CLSTN2: variants seen among roughly 807,000 people sequenced by gnomAD.
CLSTN2 encodes the protein calsyntenin-2.
Under a neutral mutation model 101.2 loss-of-function variants are expected in CLSTN2, and 48 were observed. That is an observed-to-expected ratio of 0.47 (90% confidence interval 0.38 to 0.60). The LOEUF (loss-of-function observed/expected upper bound fraction) is 0.60. Ranked by LOEUF, CLSTN2 falls within the 20% of genes least tolerant of loss-of-function variation. The probability of loss-of-function intolerance (pLI) is 0.00; values close to 1 mark genes in which losing one functional copy is unlikely to be tolerated. For synonymous variants in CLSTN2, 481 were observed against 463.6 expected (o/e 1.04, Z -0.48); for missense variants, 1,160 against 1,238.2 (o/e 0.94, Z 0.95).
At chr3:140,069,857 C>T (rs1332205091) in intron 1 of CLSTN2, among the ~76,000 whole-genome samples, 1 of 152,134 alleles carries the variant, frequency 6.6e-6, no homozygotes, top group African/African-American at 2.4e-5. Flanking sequence ...ATGGATCAGA[C>T]AATCCATGAT....
chr3:140,450,364 T>C (rs1373905571), intron 6 of CLSTN2, among the ~76,000 whole-genome samples: 1 of 152,094 alleles, frequency 6.6e-6, no homozygotes, highest in Non-Finnish European at 1.5e-5. Flanking sequence ...TCTCAGTGAG[T>C]CTGTGAAATG....
At chr3:140,367,454 A>C (rs2087803953) in intron 2 of CLSTN2, among the ~76,000 whole-genome samples, 1 of 144,124 alleles carries the variant, frequency 6.9e-6, no homozygotes, top group East Asian at 2.2e-4. Context: ...CAGAGGTTGC[A>C]GTGAGCCGAG....
At chr3:140,277,989 C>T (rs1003702553) in intron 2 of CLSTN2, among the ~76,000 whole-genome samples, 5 of 152,280 alleles carry the variant, frequency 3.3e-5, no homozygotes, top group South Asian at 4.2e-4. Flanking sequence ...CTGCCAATTC[C>T]GAGAGATATT....
At chr3:140,369,072 T>C (rs2087823664) in intron 2 of CLSTN2, among the ~76,000 whole-genome samples, 1 of 152,142 alleles carries the variant, frequency 6.6e-6, no homozygotes, top group African/African-American at 2.4e-5. Context: ...GGATGAGACT[T>C]GCCAGCTTTT....
At chr3:140,048,097 T>A (rs2107766939) in intron 1 of CLSTN2, among the ~76,000 whole-genome samples, 2 of 152,334 alleles carry the variant, frequency 1.3e-5, no homozygotes, top group South Asian at 4.1e-4. Context: ...GGAAGGAATA[T>A]GGCTGAAAAT....
At chr3:140,495,816 G>T (rs1385552577) in intron 8 of CLSTN2, among the ~76,000 whole-genome samples, 1 of 152,104 alleles carries the variant, frequency 6.6e-6, no homozygotes, top group Non-Finnish European at 1.5e-5. Flanking sequence ...CTGTTCCATT[G>T]GTCTATGTGT....
intron 2 of CLSTN2, among the ~76,000 whole-genome samples, chr3:140,351,733 T>C (rs984903617): frequency 1.3e-5 from 2 of 152,094 alleles, no homozygotes; most frequent in African/African-American, 4.8e-5. Flanking sequence ...GGAGCAAAGA[T>C]ATATAGCCTT....
chr3:139,955,187 C>A (rs1428958514), intron 1 of CLSTN2, among the ~76,000 whole-genome samples: 1 of 133,386 alleles, frequency 7.5e-6, no homozygotes, highest in East Asian at 2.3e-4. Context: ...TTGAAAAGTT[C>A]TCTTAATTCT....
chr3:140,557,613 C>T (rs1486816988), intron 11 of CLSTN2, among the ~76,000 whole-genome samples: 1 of 152,140 alleles, frequency 6.6e-6, no homozygotes, highest in Non-Finnish European at 1.5e-5. Flanking sequence ...GAGGAGGAGG[C>T]CACCACAGCT....
chr3:140,082,429 C>G (rs2107781734), intron 1 of CLSTN2, among the ~76,000 whole-genome samples: 1 of 152,234 alleles, frequency 6.6e-6, no homozygotes, highest in African/African-American at 2.4e-5. Context: ...TTGCAGGGGA[C>G]AGGCCAACAA....
chr3:140,174,487 G>C (rs1374565783), intron 1 of CLSTN2, among the ~76,000 whole-genome samples: 6 of 152,086 alleles, frequency 3.9e-5, no homozygotes, highest in African/African-American at 1.4e-4. Flanking sequence ...CCACATTTTT[G>C]GGTATCTTTT....
intron 1 of CLSTN2, among the ~76,000 whole-genome samples, chr3:140,149,214 A>G (rs1212170948): frequency 6.6e-6 from 1 of 152,162 alleles, no homozygotes; most frequent in Non-Finnish European, 1.5e-5. Context: ...TTGAGAGTGA[A>G]CAAGTATATC....
chr3:140,484,723 C>T (rs1035765431), intron 8 of CLSTN2, among the ~76,000 whole-genome samples: 2 of 152,214 alleles, frequency 1.3e-5, no homozygotes, highest in Admixed American at 1.3e-4. Context: ...TCTTCCATCA[C>T]TGATACCCTT....
chr3:140,148,955 G>A (rs913783729), intron 1 of CLSTN2, among the ~76,000 whole-genome samples: 5 of 152,158 alleles, frequency 3.3e-5, no homozygotes, highest in African/African-American at 1.2e-4. Flanking sequence ...CTATGGGGGA[G>A]AGGCCAGAGT....
chr3:140,386,764 T>C (rs2088055990), intron 2 of CLSTN2, among the ~76,000 whole-genome samples: 3 of 152,310 alleles, frequency 2.0e-5, no homozygotes, highest in Non-Finnish European at 4.4e-5. Flanking sequence ...AAGAGCCATG[T>C]TGAGCCATAC....
At chr3:140,058,966 A>G (rs2008148397) in intron 1 of CLSTN2, among the ~76,000 whole-genome samples, 1 of 152,310 alleles carries the variant, frequency 6.6e-6, no homozygotes, top group South Asian at 2.1e-4. Context: ...CATGGAGGAT[A>G]AGAAGCTATG....
intron 2 of CLSTN2, among the ~76,000 whole-genome samples, chr3:140,381,210 T>A (rs2087978497): frequency 1.3e-5 from 2 of 152,212 alleles, no homozygotes; most frequent in Non-Finnish European, 2.9e-5. Context: ...TGTTTTCACA[T>A]CATCTTCCTA....
chr3:140,243,631 A>C (rs879008092), intron 2 of CLSTN2, among the ~76,000 whole-genome samples: 1 of 152,194 alleles, frequency 6.6e-6, no homozygotes, highest in Admixed American at 6.5e-5. Context: ...AAAGATCTCC[A>C]CTGTACTAGG....
chr3:140,402,264 T>A (rs1023218919), intron 2 of CLSTN2, among the ~76,000 whole-genome samples: 44 of 152,204 alleles, frequency 2.9e-4, no homozygotes, highest in African/African-American at 9.6e-4. Context: ...ATGGAGTGGT[T>A]CCTTAGAAGT....
Sources: gnomAD v4.1 joint callset for allele counts (sites outside exome capture counted in the v4.1 genomes callset) on GRCh38, gnomAD v4.1.1 for gene constraint, MANE v1.5 for transcripts, NCBI Gene and HGNC (gene_info 2026-07-23, HGNC 2026-07-21) for gene names.